SCAPER: variants seen among roughly 807,000 people sequenced by gnomAD.
SCAPER encodes S phase cyclin A-associated protein in the endoplasmic reticulum.
Under a neutral mutation model 182.2 loss-of-function variants are expected in SCAPER, and 98 were observed. The observed-to-expected ratio is 0.54, with a 90% CI of 0.46 to 0.64. The LOEUF is 0.64. SCAPER is among the 30% of genes least tolerant of loss of function. The probability of loss-of-function intolerance (pLI) is 0.00; values close to 1 mark genes in which losing one functional copy is unlikely to be tolerated. For missense variants in SCAPER, 1,432 were observed against 1,690.0 expected (o/e 0.85, Z 2.68); for synonymous variants, 605 against 564.6 (o/e 1.07, Z -1.01).
chr15:76,375,342 T>G (rs1199073548), intron 29 of SCAPER, among the ~76,000 whole-genome samples: 1 of 151,080 alleles, frequency 6.6e-6, no homozygotes, highest in Non-Finnish European at 1.5e-5. Flanking sequence ...GCAAAACTAC[T>G]CTGAGTGACC....
chr15:76,816,357 A>T (rs1404307189), intron 5 of SCAPER, among the ~76,000 whole-genome samples: 1 of 152,150 alleles, frequency 6.6e-6, no homozygotes, highest in Non-Finnish European at 1.5e-5. Flanking sequence ...TTCCTATCTA[A>T]CATTTTTTTT....
chr15:76,430,453 C>T (rs2046786892), intron 26 of SCAPER, among the ~76,000 whole-genome samples: 1 of 152,256 alleles, frequency 6.6e-6, no homozygotes, highest in Non-Finnish European at 1.5e-5. Flanking sequence ...CAAAGTCACA[C>T]AGGCAGAGCC....
intron 23 of SCAPER, among the ~76,000 whole-genome samples, chr15:76,562,128 A>G (rs157758): frequency 0.11 from 16,245 of 143,352 alleles, 1,004 homozygotes; most frequent in African/African-American, 0.16. Context: ...AGCCTGGGCA[A>G]CAAGAGCAAA....
chr15:76,890,870 G>T (rs2074124668), intron 1 of SCAPER, among the ~76,000 whole-genome samples: 1 of 152,120 alleles, frequency 6.6e-6, no homozygotes, highest in African/African-American at 2.4e-5. Context: ...AACAAAAAAA[G>T]AGAATTTTAG....
intron 5 of SCAPER, 79 bp downstream of exon 5, chr15:76,841,655 A>C (rs2069495483): frequency 1.4e-6 from 2 of 1,447,604 alleles, no homozygotes; most frequent in East Asian, 4.7e-5. Flanking sequence ...TCAAAGAAAA[A>C]AAAAAGATCA....
chr15:76,481,153 A>G (rs1366205476), intron 24 of SCAPER, among the ~76,000 whole-genome samples: 3 of 152,334 alleles, frequency 2.0e-5, no homozygotes, highest in Admixed American at 2.0e-4. Context: ...TTTGGACCCA[A>G]CAGAGAGAAC....
rs537776482 is a variant in SCAPER, at chr15:76,737,767, C to T, written c.1867-4383G>A. Reference sequence around the variant, plus strand: ...TAGCTAGATCTTCCTTCAGCTTCTACGTCAGCACTTATTGCCTTACCTTGC... The same window carrying T: ...TAGCTAGATCTTCCTTCAGCTTCTATGTCAGCACTTATTGCCTTACCTTGC... On this transcript the variant is annotated intron_variant, in intron 15 of 31. Coordinates refer to ENST00000563290, the MANE Select transcript of SCAPER (RefSeq NM_020843.4). 3.9e-5 allele frequency among the ~76,000 whole-genome samples: 6 copies of T among 152,334 alleles called. No individual in the cohort carries two copies. The South Asian group carries it at 6.2e-4, about 16-fold the overall frequency.
chr15:76,470,468 A>G (rs2050058035), intron 25 of SCAPER, among the ~76,000 whole-genome samples: 1 of 152,196 alleles, frequency 6.6e-6, no homozygotes, highest in South Asian at 2.1e-4. Context: ...AATAGCTTGT[A>G]GTTTAAGGAA....
chr15:76,524,352 T>G lies in SCAPER; in HGVS notation c.2839-19378A>C, dbSNP rs776658939. ...AAAGTGATAATAAGTAGCTATAAGA[T>G]AAGGCAAAATTTGGTAGGTGTCTGA... On this transcript the variant is annotated intron_variant, in intron 23 of 31. Coordinates refer to ENST00000563290, the MANE Select transcript of SCAPER (RefSeq NM_020843.4). 1.1e-3 allele frequency among the ~76,000 whole-genome samples: 164 copies of G among 152,204 alleles called. 1 individual carries two copies. Among genetic ancestry groups the G allele is most frequent in the Middle Eastern group, 3.4e-3 (1 of 294 alleles).
intron 20 of SCAPER, among the ~76,000 whole-genome samples, chr15:76,666,392 T>C (rs1003392432): frequency 6.6e-6 from 1 of 152,152 alleles, no homozygotes; most frequent in African/African-American, 2.4e-5. Context: ...CAAGAGCACA[T>C]AGTGTTTGGT....
At chr15:76,812,482 T>TG (rs2066701273) in intron 5 of SCAPER, among the ~76,000 whole-genome samples, 3 of 12,650 alleles carry the variant, frequency 2.4e-4, no homozygotes, top group Admixed American at 1.4e-3. Context: ...AGTGAGACTC[T>TG]GAAAAAAAAA....
intron 25 of SCAPER, among the ~76,000 whole-genome samples, chr15:76,450,367 C>T (rs1025120866): frequency 2.2e-4 from 33 of 152,116 alleles, no homozygotes; most frequent in South Asian, 4.1e-4. Flanking sequence ...ATGAAGATGG[C>T]GTATTCCTTA....
intron 21 of SCAPER, among the ~76,000 whole-genome samples, chr15:76,647,869 T>C (rs1458486114): frequency 1.3e-5 from 2 of 152,140 alleles, no homozygotes; most frequent in African/African-American, 2.4e-5. Flanking sequence ...GGAGGAACAA[T>C]AGAGCCCTAG....
At chr15:76,584,963 C>T (rs1368130341) in intron 22 of SCAPER, among the ~76,000 whole-genome samples, 1 of 152,146 alleles carries the variant, frequency 6.6e-6, no homozygotes, top group African/African-American at 2.4e-5. Flanking sequence ...ACAACAAATG[C>T]CACTCAAAAA....
At chr15:76,556,369 TAAC>T (rs1435179168) in intron 23 of SCAPER, among the ~76,000 whole-genome samples, 1 of 151,632 alleles carries the variant, frequency 6.6e-6, no homozygotes, top group Non-Finnish European at 1.5e-5. Flanking sequence ...AAACAAGAAA[TAAC>T]AAAATCAGAG....
At chr15:76,572,940 C>CACACACACAT (rs1435829661) in intron 23 of SCAPER, among the ~76,000 whole-genome samples, 27 of 151,494 alleles carry the variant, frequency 1.8e-4, no homozygotes, top group African/African-American at 6.6e-4. Flanking sequence ...CACACACACA[C>CACACACACAT]ACACAGAGAA....
At chr15:76,846,181 C>T (rs2070062174) in intron 4 of SCAPER, among the ~76,000 whole-genome samples, 1 of 152,072 alleles carries the variant, frequency 6.6e-6, no homozygotes, top group African/African-American at 2.4e-5. Flanking sequence ...TCACCATATA[C>T]AAACCTCAAA....
At chr15:76,883,041 C>A (rs375193879) in intron 2 of SCAPER, among the ~76,000 whole-genome samples, 2 of 152,232 alleles carry the variant, frequency 1.3e-5, no homozygotes, top group South Asian at 2.1e-4. Flanking sequence ...ATCAAAAATA[C>A]CAAAATCCAA....
intron 5 of SCAPER, among the ~76,000 whole-genome samples, chr15:76,813,245 A>AAAAAT (rs2066799664): frequency 1.6e-5 from 1 of 61,062 alleles, no homozygotes; most frequent in African/African-American, 3.2e-5. Context: ...AAAAAAAAAA[A>AAAAAT]AAAAAAAAAA....
Sources: allele counts gnomAD v4.1 joint callset (sites outside exome capture counted in the v4.1 genomes callset), GRCh38; gene constraint gnomAD v4.1.1; transcripts MANE v1.5; gene names NCBI Gene and HGNC (gene_info 2026-07-23, HGNC 2026-07-21).